Variants in CC2D2A observed in about 807,000 individuals in gnomAD.
CC2D2A encodes coiled-coil and C2 domain-containing protein 2A.
Under a neutral mutation model 212.9 loss-of-function variants are expected in CC2D2A, and 155 were observed. The observed-to-expected ratio is 0.73, with a 90% CI of 0.64 to 0.83. CC2D2A has a LOEUF of 0.83. Among genes scored for constraint, CC2D2A ranks in the 40% least tolerant of loss-of-function variants. The probability of loss-of-function intolerance (pLI) is 0.00; values close to 1 mark genes in which losing one functional copy is unlikely to be tolerated. For missense variants in CC2D2A, 1,856 were observed against 1,956.2 expected, an observed-to-expected ratio of 0.95 and a Z score of 0.97; for synonymous variants, 667 against 686.5, an observed-to-expected ratio of 0.97 and a Z score of 0.44.
intron 31 of CC2D2A, 31 bp from the exon 32 acceptor site, chr4:15,587,785 A>C (rs1005276095): frequency 6.7e-6 from 8 of 1,196,950 alleles, no homozygotes; most frequent in Non-Finnish European, 9.9e-6. Flanking sequence ...GCATTGAGTC[A>C]TACAACATAA....
At chr4:15,560,142 TGGAATTA>T (rs1044637840) in intron 22 of CC2D2A, among the ~76,000 whole-genome samples, 5 of 152,206 alleles carry the variant, frequency 3.3e-5, no homozygotes, top group African/African-American at 9.7e-5. Context: ...AGAGGTCCTC[TGGAATTA>T]GGAAGTGAAT....
Position 15,586,247 on chromosome 4 carries a change from G to T in CC2D2A, c.4065+1G>T, listed in dbSNP as rs1472068665. 6.4e-7 allele frequency: 1 copy of T among 1,564,786 alleles called. No individual in the cohort carries two copies. The highest frequency in any genetic ancestry group is 1.8e-5 in the Admixed American group (1 of 55,154). ...CTGTGACCTCTGGAGCACATCTGAT[G>T]TAAGTAGTTCTTCTTCACAGATTTA... On this transcript the variant is annotated splice_donor_variant, in intron 31 of 36. Transcript: ENST00000424120. LOFTEE classifies it high-confidence loss of function.
intron 33 of CC2D2A, among the ~76,000 whole-genome samples, chr4:15,592,174 A>G (rs950317830): frequency 2.6e-5 from 4 of 151,866 alleles, no homozygotes; most frequent in African/African-American, 9.7e-5. Context: ...TCCATGCTCC[A>G]CTATTCCATC....
At position 15,476,296 on chromosome 4, in the gene CC2D2A, T is replaced by G. The variant is rs148839054; in HGVS notation, c.39+325T>G. ...CCTTATTTAAACACAGTCTGATCAG[T>G]AGGCCACCTGTGATTGATTGACACT... is the stretch of plus-strand genomic sequence containing the variant. On this transcript the variant is annotated intron_variant, in intron 2 of 36. Transcript: ENST00000424120. Among the ~76,000 whole-genome samples the G allele has an allele frequency of 1.1e-3, 175 of 152,306 alleles. No individual in the cohort carries two copies. In the Middle Eastern group the frequency reaches 0.02, roughly 18 times the overall value.
At chr4:15,584,485 T>C (rs946266634) in intron 30 of CC2D2A, among the ~76,000 whole-genome samples, 1 of 152,138 alleles carries the variant, frequency 6.6e-6, no homozygotes, top group East Asian at 1.9e-4. Flanking sequence ...TCACTCACCA[T>C]ATACAAAAAT....
At chr4:15,528,843 A>G in intron 13 of CC2D2A, 117 bp downstream of exon 13, 1 of 667,942 alleles carries the variant, frequency 1.5e-6, no homozygotes, top group Non-Finnish European at 2.5e-6. Context: ...ATTATGCCAT[A>G]TAAAACAATC....
intron 32 of CC2D2A, among the ~76,000 whole-genome samples, chr4:15,588,869 G>T (rs1372900247): frequency 6.6e-6 from 1 of 151,234 alleles, no homozygotes; most frequent in Non-Finnish European, 1.5e-5. Flanking sequence ...ATCATACAGG[G>T]GGAATAAATG....
chr4:15,486,551 T>C (rs1357046586), intron 4 of CC2D2A, among the ~76,000 whole-genome samples: 4 of 152,056 alleles, frequency 2.6e-5, no homozygotes, highest in African/African-American at 9.7e-5. Flanking sequence ...GTCTTCTCTT[T>C]TTCTTAATCT....
intron 2 of CC2D2A, among the ~76,000 whole-genome samples, chr4:15,478,072 A>G (rs1714350511): frequency 6.6e-6 from 1 of 152,238 alleles, no homozygotes; most frequent in Non-Finnish European, 1.5e-5. Context: ...CTAGGACTAA[A>G]ACATTTTAGA....
Position 15,480,772 on chromosome 4 carries a change from G to A in CC2D2A, c.192G>A (p.Val64=), listed in dbSNP as rs745986665. The A allele has an allele frequency of 5.6e-6, 9 of 1,613,426 alleles. No individual in the cohort carries two copies. The Admixed American group carries it at 1.3e-4, about 24-fold the overall frequency. ...ACCTTGGCAACCCCCAGGAGCCTGT[G>A]CAGGAGGAGCCCAAGACCCGCCTCC... ...KSHLGNPQEP[V]QEEPKTRLLS... Residue 64 remains valine (V), a synonymous_variant, in exon 4 of 37, where the codon GTG becomes GTA. Coordinates refer to ENST00000424120, the MANE Select transcript of CC2D2A (RefSeq NM_001378615.1).
At position 15,589,540 on chromosome 4, in the gene CC2D2A, T is replaced by G; in HGVS notation, c.4180-5T>G. On this transcript the variant is annotated splice_region_variant and splice_polypyrimidine_tract_variant and intron_variant, in intron 32 of 36. Coordinates refer to ENST00000424120, the MANE Select transcript of CC2D2A (RefSeq NM_001378615.1). Reference sequence around the variant, plus strand: ...AAACTAGTTTTAATGGCCATCTTCTTTCAGGGTCCAACTGCCTATGTGCTA... The same window carrying G: ...AAACTAGTTTTAATGGCCATCTTCTGTCAGGGTCCAACTGCCTATGTGCTA... The G allele has an allele frequency of 6.2e-7, 1 of 1,610,870 alleles. No homozygotes were observed. The highest frequency in any genetic ancestry group is 8.5e-7 in the Non-Finnish European group (1 of 1,177,992).
intron 35 of CC2D2A, among the ~76,000 whole-genome samples, chr4:15,598,728 A>G (rs1721438068): frequency 1.3e-5 from 2 of 152,256 alleles, no homozygotes; most frequent in African/African-American, 4.8e-5. Context: ...TTCACTATTC[A>G]TGATGTGAAT....
At chr4:15,569,730 C>T (rs575975986) in intron 27 of CC2D2A, among the ~76,000 whole-genome samples, 4 of 152,242 alleles carry the variant, frequency 2.6e-5, no homozygotes, top group Non-Finnish European at 4.4e-5. Flanking sequence ...ATAAAGGATT[C>T]GTTTTCTAAA....
chr4:15,599,545 A>G lies in CC2D2A; in HGVS notation c.4513A>G (p.Lys1505Glu), dbSNP rs1721481933. Residue 1505 changes from lysine (K) to glutamate (E), a missense_variant, in exon 36 of 37, where the codon AAA becomes GAA. Lys to Glu is a moderately conservative substitution (Grantham distance 56). Coordinates refer to ENST00000424120, the MANE Select transcript of CC2D2A (RefSeq NM_001378615.1). The part of the protein sequence containing the change: ...ELQDRIEKIL[K>E]EKIMDWRPRH... ...TGTGAACAGGATTGAAAAAATACTA[A>G]AAGAAAAAATCATGGACTGGAGGCC... is the stretch of plus-strand genomic sequence containing the variant. 6.4e-7 allele frequency: 1 copy of G among 1,566,798 alleles called. No individual in the cohort carries two copies. Among genetic ancestry groups the G allele is most frequent in the Non-Finnish European group, 8.7e-7 (1 of 1,152,938 alleles).
chr4:15,502,966 C>A, intron 6 of CC2D2A, 43 bp downstream of exon 6: 1 of 1,473,110 alleles, frequency 6.8e-7, no homozygotes, highest in South Asian at 1.3e-5. Context: ...ACCAGTAAAG[C>A]AGAATATAAA....
intron 35 of CC2D2A, among the ~76,000 whole-genome samples, chr4:15,598,098 A>G (rs567284358): frequency 6.6e-6 from 1 of 152,272 alleles, no homozygotes; most frequent in African/African-American, 2.4e-5. Context: ...ATTTCTCCAT[A>G]ATGCCTTATT....
At chr4:15,596,238 G>C in intron 34 of CC2D2A, 31 bp downstream of exon 34, 2 of 1,468,040 alleles carry the variant, frequency 1.4e-6, no homozygotes, top group Non-Finnish European at 1.8e-6. Flanking sequence ...GTTAAATGTA[G>C]ACAAAGTAAA....
At chr4:15,498,085 CA>C (rs1427364238) in intron 4 of CC2D2A, among the ~76,000 whole-genome samples, 2 of 152,102 alleles carry the variant, frequency 1.3e-5, no homozygotes, top group Non-Finnish European at 2.9e-5. Flanking sequence ...GCCTGGGTAA[CA>C]GTGAGTATGG....
At position 15,537,089 on chromosome 4, in the gene CC2D2A, ACACT is replaced by A. The variant is rs1459788060; in HGVS notation, c.1764+16_1764+19del. ...GAGGAAAGTGCAAGTGTGTAAACAA[ACACT>A]CAGCCTGGAATAGGGCTGGCCAGGA... On this transcript the variant is annotated intron_variant, in intron 15 of 36. Transcript: ENST00000424120. 6.2e-7 allele frequency: 1 copy of A among 1,612,192 alleles called. No homozygotes were observed. The highest frequency in any genetic ancestry group is 1.3e-5 in the African/African-American group (1 of 75,006).
Sources: allele counts gnomAD v4.1 joint callset (sites outside exome capture counted in the v4.1 genomes callset), GRCh38; gene constraint gnomAD v4.1.1; transcripts MANE v1.5; gene names NCBI Gene and HGNC (gene_info 2026-07-23, HGNC 2026-07-21).